Variants in EMC3 observed in about 807,000 individuals in gnomAD.
The protein encoded by EMC3 is 30 kDa protein.
Under a neutral mutation model 36.6 loss-of-function variants are expected in EMC3, and 13 were observed. The observed-to-expected ratio is 0.35, with a 90% CI of 0.23 to 0.56. The LOEUF is 0.56. Among genes scored for constraint, EMC3 ranks in the 20% least tolerant of loss-of-function variants. EMC3 has a pLI of 0.84. For synonymous variants in EMC3, 120 were observed against 111.9 expected (o/e 1.07, Z -0.46); for missense variants, 220 against 324.5 (o/e 0.68, Z 2.47).
chr3:9,972,569 G>A lies in EMC3; in HGVS notation c.494+1059C>T, dbSNP rs112400381. On this transcript the variant is annotated intron_variant, in intron 5 of 7. Coordinates refer to ENST00000245046, the MANE Select transcript of EMC3 (RefSeq NM_001394674.1). Reference sequence around the variant, plus strand: ...GTGGATAACTTGAGGTCAGTAGTTCGAGACCAGCCTGGCCAACATGGTGAA... The same window carrying A: ...GTGGATAACTTGAGGTCAGTAGTTCAAGACCAGCCTGGCCAACATGGTGAA... Among the ~76,000 whole-genome samples, 39 of 151,286 alleles carry A rather than the reference G, an allele frequency of 2.6e-4. 1 individual carries two copies. The highest frequency in any genetic ancestry group is 8.2e-4 in the African/African-American group (34 of 41,244).
At chr3:10,007,429 G>T in intron 1 of EMC3, 10 of 1,367,472 alleles carry the variant, frequency 7.3e-6, no homozygotes, top group Non-Finnish European at 9.8e-6. Context: ...TCCCCAAAGT[G>T]CCTTAGGGGG....
At position 9,963,454 on chromosome 3, in the gene EMC3, G is replaced by GATATATATAT. The variant is rs1553602259; in HGVS notation, c.*605_*614dup. ...CGAAGACTGGGCTTCTGCTAAGATA[G>GATATATATAT]ATATATATATATATATATATATATT... On this transcript the variant is annotated 3_prime_UTR_variant, in exon 8 of 8. Coordinates refer to ENST00000245046, the MANE Select transcript of EMC3 (RefSeq NM_001394674.1). 16 of 99,696 alleles carry GATATATATAT rather than the reference G, an allele frequency of 1.6e-4. No homozygotes were observed. Among genetic ancestry groups the GATATATATAT allele is most frequent in the South Asian group, 1.3e-3 (4 of 3,170 alleles). The allele number at this position is 99,696 out of a possible 1,614,324, so 6.2% of individuals were successfully genotyped here.
At chr3:10,010,539 G>C (rs1338655118) in intron 1 of EMC3, 1 of 152,522 alleles carries the variant, frequency 6.6e-6, no homozygotes, top group Non-Finnish European at 1.5e-5. Context: ...CACTTTTCCT[G>C]GTGTTTCCGT....
intron 1 of EMC3, chr3:9,981,673 G>C (rs1293972960): frequency 2.6e-6 from 1 of 387,752 alleles, no homozygotes; most frequent in Non-Finnish European, 5.0e-6. Flanking sequence ...GGGCTCAAGG[G>C]ATCCTCCCAT....
upstream of EMC3, among the ~76,000 whole-genome samples, chr3:9,990,936 C>T (rs2086043372): frequency 6.6e-6 from 1 of 152,142 alleles, no homozygotes; most frequent in Non-Finnish European, 1.5e-5. Flanking sequence ...TCACGCCATT[C>T]TCCTGCCTCG....
chr3:10,008,584 G>C (rs1390969104), intron 1 of EMC3: 2 of 621,462 alleles, frequency 3.2e-6, no homozygotes, highest in South Asian at 3.1e-5. Flanking sequence ...GTGGGGGGTG[G>C]GTTCAGCTCC....
chr3:9,982,677 C>A (rs975967157), intron 1 of EMC3, among the ~76,000 whole-genome samples: 4 of 152,012 alleles, frequency 2.6e-5, no homozygotes, highest in African/African-American at 9.7e-5. Flanking sequence ...CACTTGAGCT[C>A]AGGAGTTTGA....
chr3:9,980,992 C>T (rs1439323812), intron 1 of EMC3, among the ~76,000 whole-genome samples: 1 of 152,032 alleles, frequency 6.6e-6, no homozygotes, highest in Non-Finnish European at 1.5e-5. Context: ...CCCTGGAGCC[C>T]TGGAGTTCAA....
At chr3:9,965,275 T>C (rs1575670919) in intron 7 of EMC3, among the ~76,000 whole-genome samples, 1 of 151,352 alleles carries the variant, frequency 6.6e-6, no homozygotes, top group East Asian at 1.9e-4. Context: ...TTGGGTGTGG[T>C]GGTGTGTGCC....
chr3:10,000,458 T>C (rs1380065400), intron 1 of EMC3, among the ~76,000 whole-genome samples: 1 of 152,244 alleles, frequency 6.6e-6, no homozygotes, highest in East Asian at 1.9e-4. Flanking sequence ...TTGGAATTAC[T>C]ATTAAAATTC....
intron 1 of EMC3, chr3:10,007,462 G>T: frequency 2.9e-6 from 4 of 1,367,684 alleles, no homozygotes; most frequent in Non-Finnish European, 3.9e-6. Flanking sequence ...CTGGGCTCCT[G>T]GCTGTCTAGT....
At chr3:9,965,460 A>AGATAGATAGATG (rs887556482) in intron 7 of EMC3, among the ~76,000 whole-genome samples, 1 of 149,590 alleles carries the variant, frequency 6.7e-6, no homozygotes, top group African/African-American at 2.4e-5. Context: ...ATAGATAGAT[A>AGATAGATAGATG]GAACAAGCTT....
rs955556889 is a variant in EMC3 at position 9,999,814 on chromosome 3, A to G, written c.-242+11209T>C. Among the ~76,000 whole-genome samples, 17 of 152,342 alleles carry G rather than the reference A, an allele frequency of 1.1e-4. 2 individuals are homozygous for G. In the South Asian group the frequency reaches 1.9e-3, roughly 17 times the overall value. ...AAGCATGTGACCTTATAGATCATGT[A>G]TAAAATGTGAGAAGTGTTAAATAAT... On this transcript the variant is annotated intron_variant, in intron 1 of 8. Coordinates refer to the EMC3 transcript ENST00000470827.
Position 9,969,700 on chromosome 3 carries a change from G to A in EMC3, c.657+19C>T. 6.2e-7 allele frequency: 1 copy of A among 1,614,140 alleles called. No homozygotes were observed. Among genetic ancestry groups the A allele is most frequent in the Non-Finnish European group, 8.5e-7 (1 of 1,180,022 alleles). On this transcript the variant is annotated intron_variant, in intron 7 of 7. Coordinates refer to ENST00000245046, the MANE Select transcript of EMC3 (RefSeq NM_001394674.1). ...CCTTTCAGAGCATTGCTGCAGCTTT[G>A]AAAGGTGAAGGAGTATACCTTGAAA... is the stretch of plus-strand genomic sequence containing the variant.
chr3:9,996,874 T>G (rs886646133), intron 1 of EMC3, among the ~76,000 whole-genome samples: 24 of 152,226 alleles, frequency 1.6e-4, no homozygotes, highest in Non-Finnish European at 2.5e-4. Flanking sequence ...CAGTTTATTT[T>G]GGAGATTGCC....
intron 4 of EMC3, 76 bp from the exon 5 acceptor site, chr3:9,973,785 G>A (rs919213097): frequency 5.2e-6 from 7 of 1,354,412 alleles, no homozygotes; most frequent in Admixed American, 3.4e-5. Context: ...TCTCAGAGGA[G>A]GTGGGAACTC....
In EMC3 at chr3:9,986,732, C is replaced by A; in HGVS notation, c.-71G>T. ...TCTCCGGGGCACAGTTGCTTCTCTT[C>A]GGCTTCGCCTCCGGGCCTTCTCAAG... is the stretch of plus-strand genomic sequence containing the variant. On this transcript the variant is annotated 5_prime_UTR_variant, in exon 1 of 8. Coordinates refer to ENST00000245046, the MANE Select transcript of EMC3 (RefSeq NM_001394674.1). The A allele has an allele frequency of 6.3e-7, 1 of 1,588,844 alleles. No individual in the cohort carries two copies. The highest frequency in any genetic ancestry group is 8.6e-7 in the Non-Finnish European group (1 of 1,167,248).
intron 1 of EMC3, chr3:9,978,279 G>A (rs1381145001): frequency 6.6e-6 from 1 of 150,798 alleles, no homozygotes; most frequent in East Asian, 2.0e-4. Flanking sequence ...AGGTTGCAAT[G>A]AGCTGAGATG....
chr3:9,999,609 A>T (rs2086173027), intron 1 of EMC3, among the ~76,000 whole-genome samples: 2 of 152,158 alleles, frequency 1.3e-5, no homozygotes, highest in Admixed American at 1.3e-4. Flanking sequence ...GTATGATCAC[A>T]CATAGTTTTA....
Sources: allele counts gnomAD v4.1 joint callset (sites outside exome capture counted in the v4.1 genomes callset), GRCh38; gene constraint gnomAD v4.1.1; transcripts MANE v1.5; gene names NCBI Gene and HGNC (gene_info 2026-07-23, HGNC 2026-07-21).